TNPO3: variants seen among roughly 807,000 people sequenced by gnomAD.
The protein encoded by TNPO3 is transportin 3.
Under a neutral mutation model 122.8 loss-of-function variants are expected in TNPO3, and 65 were observed. That is an observed-to-expected ratio of 0.53 (90% CI 0.43 to 0.65). The LOEUF (loss-of-function observed/expected upper bound fraction) is 0.65. Ranked by LOEUF, TNPO3 falls within the 30% of genes least tolerant of loss-of-function variation. TNPO3 has a pLI of 0.00. For missense variants in TNPO3, 850 were observed against 1,136.7 expected, an observed-to-expected ratio of 0.75 and a Z score of 3.63; for synonymous variants, 372 against 411.2, an observed-to-expected ratio of 0.90 and a Z score of 1.15.
intron 5 of TNPO3, among the ~76,000 whole-genome samples, chr7:129,003,418 C>T (rs1396221188): frequency 6.6e-6 from 1 of 151,144 alleles, no homozygotes; most frequent in African/African-American, 2.4e-5. Context: ...ATCTGTAATC[C>T]CAGTGCTTTG....
chr7:129,013,512 G>C (rs930297306), intron 4 of TNPO3, among the ~76,000 whole-genome samples: 6 of 151,882 alleles, frequency 4.0e-5, no homozygotes, highest in African/African-American at 1.2e-4. Flanking sequence ...AGAGAAAAGG[G>C]AACGCTCTGG....
At chr7:129,010,267 A>G (rs537459350) in intron 4 of TNPO3, among the ~76,000 whole-genome samples, 2 of 152,276 alleles carry the variant, frequency 1.3e-5, no homozygotes, top group South Asian at 4.1e-4. Flanking sequence ...CCTGGGGTCA[A>G]GTGATCCTTC....
intron 1 of TNPO3, among the ~76,000 whole-genome samples, chr7:129,036,601 TTTTAG>T (rs1376639010): frequency 6.6e-6 from 1 of 152,116 alleles, no homozygotes; most frequent in African/African-American, 2.4e-5. Context: ...AGTGACAACA[TTTTAG>T]TTTATTTTAG....
intron 12 of TNPO3, among the ~76,000 whole-genome samples, chr7:128,984,799 A>G (rs989474697): frequency 6.6e-6 from 1 of 152,212 alleles, no homozygotes; most frequent in Non-Finnish European, 1.5e-5. Flanking sequence ...ACAGCAAAGT[A>G]ACAGTTAAAT....
At position 129,015,154 on chromosome 7, in the gene TNPO3, G is replaced by A. The variant is rs182115682; in HGVS notation, c.396-19C>T. On this transcript the variant is annotated intron_variant, in intron 3 of 22. Transcript: ENST00000265388. The stretch of plus-strand genomic sequence containing the variant: ...GCTGTATCTGCAAAAGAAAAAAGTG[G>A]AGATATGTTATTTATAGCCAGAAAA... 3.0e-5 allele frequency: 48 copies of A among 1,601,392 alleles called. No homozygotes were observed. In the African/African-American group the frequency reaches 5.8e-4, roughly 19 times the overall value.
chr7:128,984,082 A>G, intron 13 of TNPO3, 86 bp downstream of exon 13: 1 of 784,818 alleles, frequency 1.3e-6, no homozygotes, highest in Non-Finnish European at 1.9e-6. Flanking sequence ...GGTAGACAAA[A>G]GATCTGTAAA....
chr7:128,997,404 C>T lies in TNPO3; in HGVS notation c.1143G>A (p.Gln381=). 1 of 1,614,136 alleles carries T rather than the reference C, an allele frequency of 6.2e-7. No individual in the cohort carries two copies. The highest frequency in any genetic ancestry group is 8.5e-7 in the Non-Finnish European group (1 of 1,180,008). Residue 381 remains glutamine (Q), a synonymous_variant, in exon 8 of 23, where the codon CAG becomes CAA. Coordinates refer to ENST00000265388, the MANE Select transcript of TNPO3 (RefSeq NM_012470.4). ...RLLHALARHC[Q]LEPDHEGVPE... The stretch of plus-strand genomic sequence containing the variant: ...GGGAACTTACATGGTCTGGTTCCAG[C>T]TGGCAGTGTCGAGCCAAGGCGTGAA...
At chr7:129,030,097 A>G (rs1428100418) in intron 1 of TNPO3, 1 of 155,784 alleles carries the variant, frequency 6.4e-6, no homozygotes, top group Non-Finnish European at 1.4e-5. Context: ...ACAGACCTTT[A>G]TGTATTACAT....
chr7:129,035,068 A>T (rs1394472476), intron 1 of TNPO3, among the ~76,000 whole-genome samples: 1 of 151,802 alleles, frequency 6.6e-6, no homozygotes, highest in Non-Finnish European at 1.5e-5. Context: ...AGGTCAGGGG[A>T]TCGAGACCAT....
At chr7:128,978,505 C>T (rs17338998) in intron 16 of TNPO3, among the ~76,000 whole-genome samples, 13,723 of 152,198 alleles carry the variant, frequency 0.09, 858 homozygotes, top group South Asian at 0.15. Context: ...TAGAATACTG[C>T]TATAGCTACT....
At chr7:129,018,589 T>A (rs1804101902) in intron 1 of TNPO3, among the ~76,000 whole-genome samples, 1 of 152,252 alleles carries the variant, frequency 6.6e-6, no homozygotes, top group South Asian at 2.1e-4. Flanking sequence ...CAGAAGCTGT[T>A]TTAATATATC....
chr7:129,046,854 G>A (rs1404912992), intron 1 of TNPO3, among the ~76,000 whole-genome samples: 1 of 152,104 alleles, frequency 6.6e-6, no homozygotes, highest in Non-Finnish European at 1.5e-5. Context: ...CAGAACTTGT[G>A]AGACTTATTC....
intron 13 of TNPO3, among the ~76,000 whole-genome samples, chr7:128,983,491 C>T (rs1216380208): frequency 2.0e-5 from 3 of 152,142 alleles, no homozygotes; most frequent in Admixed American, 6.5e-5. Flanking sequence ...GCATGAGCCA[C>T]GACACCCGGC....
rs190334137 is a variant in TNPO3 at position 129,040,409 on chromosome 7, G to C, written c.120+14242C>G. Among the ~76,000 whole-genome samples the C allele has an allele frequency of 5.1e-3, 782 of 152,264 alleles. 7 individuals are homozygous for C. The highest frequency in any genetic ancestry group is 9.1e-3 in the Non-Finnish European group (617 of 68,014). ...TTTAAAAAACAGGCAAAACAAATCT[G>C]TGGTGATGTAAGTCAGAATAGTGGT... On this transcript the variant is annotated intron_variant, in intron 1 of 22. Coordinates refer to ENST00000265388, the MANE Select transcript of TNPO3 (RefSeq NM_012470.4).
chr7:129,015,303 A>T (rs1372773278), intron 3 of TNPO3, among the ~76,000 whole-genome samples, 168 bp from the exon 4 acceptor site: 2 of 152,174 alleles, frequency 1.3e-5, no homozygotes, highest in African/African-American at 2.4e-5. Context: ...AGTTAAGATT[A>T]AAAAAAGGAC....
At chr7:129,025,290 C>T (rs1239257779) in intron 1 of TNPO3, among the ~76,000 whole-genome samples, 2 of 131,176 alleles carry the variant, frequency 1.5e-5, no homozygotes, top group Admixed American at 9.0e-5. Flanking sequence ...GCAGAAGTTG[C>T]AGTGAGCCGA....
At chr7:129,011,624 G>A (rs1021245146) in intron 4 of TNPO3, among the ~76,000 whole-genome samples, 5 of 152,004 alleles carry the variant, frequency 3.3e-5, no homozygotes, top group African/African-American at 1.2e-4. Flanking sequence ...TTACAGGCAT[G>A]AGCCACCACG....
chr7:128,959,417 G>A (rs141050753), intron 21 of TNPO3, among the ~76,000 whole-genome samples: 8 of 152,272 alleles, frequency 5.3e-5, no homozygotes, highest in Non-Finnish European at 8.8e-5. Context: ...CAGGCTGCTC[G>A]AACCTCTGGG....
intron 11 of TNPO3, among the ~76,000 whole-genome samples, chr7:128,987,270 C>A (rs975864763): frequency 6.6e-6 from 1 of 152,146 alleles, no homozygotes; most frequent in East Asian, 1.9e-4. Context: ...ATGCAAAGCT[C>A]AGGGAGTTAC....
Sources: gnomAD v4.1 joint callset for allele counts (sites outside exome capture counted in the v4.1 genomes callset) on GRCh38, gnomAD v4.1.1 for gene constraint, MANE v1.5 for transcripts, NCBI Gene and HGNC (gene_info 2026-07-23, HGNC 2026-07-21) for gene names.